The following SGCZ variants were observed in gnomAD, a reference collection of about 807,000 sequenced individuals.
The protein encoded by SGCZ is sarcoglycan zeta.
Under a neutral mutation model 41.3 loss-of-function variants are expected in SGCZ, and 40 were observed. The ratio of observed to expected loss-of-function variants is 0.97; its 90% CI spans 0.75 to 1.26. The LOEUF is 1.26. SGCZ is among the 50% of genes most tolerant of loss of function. The pLI is 0.00. For synonymous variants in SGCZ, 206 were observed against 137.5 expected, an observed-to-expected ratio of 1.50 and a Z score of -3.49; for missense variants, 552 against 369.8, an observed-to-expected ratio of 1.49 and a Z score of -4.04.
chr8:14,409,003 T>C (rs1799289611), intron 2 of SGCZ, among the ~76,000 whole-genome samples: 2 of 136,048 alleles, frequency 1.5e-5, no homozygotes, highest in African/African-American at 5.6e-5. Context: ...GTGTATTTTG[T>C]TTTTGGCCTC....
chr8:14,296,143 T>G (rs1445445743), intron 3 of SGCZ, among the ~76,000 whole-genome samples: 1 of 152,094 alleles, frequency 6.6e-6, no homozygotes, highest in Non-Finnish European at 1.5e-5. Context: ...AGCTTCAAAC[T>G]AAGACTCAAC....
In SGCZ at chr8:14,788,621, C is replaced by T. The variant is rs551715936; in HGVS notation, c.40-233695G>A. ...TGGTAGAAAAGTTAAAGAGGCAATA[C>T]GTGTATATGCATAGTAAATGTTAGG... On this transcript the variant is annotated intron_variant, in intron 1 of 7. Coordinates refer to ENST00000382080, the MANE Select transcript of SGCZ (RefSeq NM_139167.4). Among the ~76,000 whole-genome samples, 10 of 152,178 alleles carry T rather than the reference C, an allele frequency of 6.6e-5. 1 individual carries two copies. The highest frequency in any genetic ancestry group is 2.1e-4 in the South Asian group (1 of 4,818).
At chr8:14,108,269 G>A in intron 5 of SGCZ, 34 bp from the exon 6 acceptor site, 1 of 1,590,478 alleles carries the variant, frequency 6.3e-7, no homozygotes, top group Non-Finnish European at 8.6e-7. Context: ...GTCAGTATAA[G>A]CAAGTCCACA....
At chr8:14,301,971 A>T (rs1801205668) in intron 3 of SGCZ, among the ~76,000 whole-genome samples, 1 of 152,134 alleles carries the variant, frequency 6.6e-6, no homozygotes. Context: ...CAGTTCATTG[A>T]TGTTTTCCCC....
At chr8:14,671,237 G>A (rs1808091975) in intron 1 of SGCZ, among the ~76,000 whole-genome samples, 3 of 152,192 alleles carry the variant, frequency 2.0e-5, no homozygotes, top group Admixed American at 6.5e-5. Flanking sequence ...TCGCAGTGGT[G>A]TCATGTGACA....
intron 1 of SGCZ, among the ~76,000 whole-genome samples, chr8:14,875,035 T>C (rs1391578554): frequency 6.6e-6 from 1 of 152,194 alleles, no homozygotes; most frequent in African/African-American, 2.4e-5. Context: ...TATCTTTGTC[T>C]GTGTGTATTG....
At chr8:14,335,933 C>A (rs895402327) in intron 2 of SGCZ, among the ~76,000 whole-genome samples, 7 of 152,018 alleles carry the variant, frequency 4.6e-5, no homozygotes, top group African/African-American at 1.7e-4. Flanking sequence ...TTAAAAAAAA[C>A]TTTTAGGTTC....
intron 1 of SGCZ, among the ~76,000 whole-genome samples, chr8:14,578,488 T>C (rs938657149): frequency 6.6e-6 from 1 of 152,178 alleles, no homozygotes; most frequent in African/African-American, 2.4e-5. Context: ...AAATAACATA[T>C]CAGAGTTATT....
At chr8:15,014,190 G>A (rs1326865645) in intron 1 of SGCZ, among the ~76,000 whole-genome samples, 3 of 152,206 alleles carry the variant, frequency 2.0e-5, no homozygotes, top group African/African-American at 7.2e-5. Flanking sequence ...TAGCTGAGAA[G>A]CTACTCTAGT....
At chr8:14,276,141 A>G (rs1800222333) in intron 3 of SGCZ, among the ~76,000 whole-genome samples, 1 of 152,136 alleles carries the variant, frequency 6.6e-6, no homozygotes, top group Non-Finnish European at 1.5e-5. Flanking sequence ...AAATTCCTTT[A>G]CATGTGTATC....
chr8:15,160,921 C>T (rs1799493897), intron 1 of SGCZ, among the ~76,000 whole-genome samples: 1 of 151,874 alleles, frequency 6.6e-6, no homozygotes, highest in African/African-American at 2.4e-5. Flanking sequence ...CTGGCGTAAT[C>T]TGGTGTGCAG....
chr8:14,756,256 G>A (rs949285996), intron 1 of SGCZ, among the ~76,000 whole-genome samples: 1 of 150,206 alleles, frequency 6.7e-6, no homozygotes, highest in Non-Finnish European at 1.5e-5. Context: ...AACTATATTG[G>A]CTCACCACAA....
intron 2 of SGCZ, among the ~76,000 whole-genome samples, chr8:14,474,456 T>G (rs1054429469): frequency 9.2e-5 from 14 of 152,328 alleles, no homozygotes; most frequent in African/African-American, 2.9e-4. Flanking sequence ...AAATTAGTTC[T>G]TAAACCTATT....
intron 2 of SGCZ, among the ~76,000 whole-genome samples, chr8:14,430,387 T>C (rs978938206): frequency 2.6e-5 from 4 of 152,110 alleles, no homozygotes; most frequent in African/African-American, 7.2e-5. Context: ...AGTAATGGTT[T>C]AACATATACA....
At chr8:14,292,636 C>T (rs577632932) in intron 3 of SGCZ, among the ~76,000 whole-genome samples, 5 of 152,112 alleles carry the variant, frequency 3.3e-5, no homozygotes, top group Admixed American at 2.0e-4. Context: ...TAATGTAGCG[C>T]ATGTTGCTGG....
intron 1 of SGCZ, among the ~76,000 whole-genome samples, chr8:14,928,035 T>C (rs1799810091): frequency 6.6e-6 from 1 of 152,208 alleles, no homozygotes; most frequent in Non-Finnish European, 1.5e-5. Context: ...TTGTCCAGCA[T>C]CTGCCAGAGG....
At chr8:14,647,390 T>C (rs1319628535) in intron 1 of SGCZ, among the ~76,000 whole-genome samples, 6 of 151,982 alleles carry the variant, frequency 3.9e-5, no homozygotes, top group Non-Finnish European at 7.4e-5. Context: ...AAGTTATAAA[T>C]AGGAAGAAAA....
At chr8:14,123,504 T>C (rs1802761939) in intron 5 of SGCZ, among the ~76,000 whole-genome samples, 1 of 152,120 alleles carries the variant, frequency 6.6e-6, no homozygotes. Context: ...ATATCATCCA[T>C]CCTACTTTTC....
chr8:14,545,234 G>A (rs569903620), intron 2 of SGCZ, among the ~76,000 whole-genome samples: 1 of 152,012 alleles, frequency 6.6e-6, no homozygotes, highest in African/African-American at 2.4e-5. Flanking sequence ...ATACTTATTA[G>A]GTCTGAGGAT....
Sources: allele counts gnomAD v4.1 joint callset (sites outside exome capture counted in the v4.1 genomes callset), GRCh38; gene constraint gnomAD v4.1.1; transcripts MANE v1.5; gene names NCBI Gene and HGNC (gene_info 2026-07-23, HGNC 2026-07-21).